The following ADGRB3 variants were observed in gnomAD, a reference collection of about 807,000 sequenced individuals.
The protein encoded by ADGRB3 is adhesion G protein-coupled receptor B3.
Under a neutral mutation model 193.4 loss-of-function variants are expected in ADGRB3, and 37 were observed. The ratio of observed to expected loss-of-function variants is 0.19; its 90% CI spans 0.15 to 0.25. The LOEUF (loss-of-function observed/expected upper bound fraction) is 0.25, where lower values mean the gene tolerates loss of function less well. ADGRB3 is among the 10% of genes least tolerant of loss of function. The pLI is 1.00. For synonymous variants in ADGRB3, 690 were observed against 644.2 expected (o/e 1.07, Z -1.08); for missense variants, 1,637 against 1,852.9 (o/e 0.88, Z 2.14).
intron 3 of ADGRB3, among the ~76,000 whole-genome samples, chr6:68,771,383 TATAC>T (rs777963821): frequency 0.06 from 4,085 of 67,990 alleles, 83 homozygotes; most frequent in African/African-American, 0.12. Context: ...CTAGGGAATA[TATAC>T]ACACACACAC....
At chr6:68,971,468 G>A (rs780574935) in intron 8 of ADGRB3, among the ~76,000 whole-genome samples, 8 of 152,080 alleles carry the variant, frequency 5.3e-5, no homozygotes, top group African/African-American at 1.4e-4. Flanking sequence ...TTCAATAAGT[G>A]TTTAGTTGAA....
chr6:68,845,737 G>A (rs969958702), intron 3 of ADGRB3, among the ~76,000 whole-genome samples: 1 of 152,140 alleles, frequency 6.6e-6, no homozygotes, highest in African/African-American at 2.4e-5. Context: ...CCCCAGCCAT[G>A]TGAAACTGTA....
intron 15 of ADGRB3, among the ~76,000 whole-genome samples, chr6:69,060,575 A>C (rs997786332): frequency 6.6e-6 from 1 of 152,076 alleles, no homozygotes; most frequent in Non-Finnish European, 1.5e-5. Context: ...TTCTAATATA[A>C]TAATTTAATA....
At chr6:69,155,696 A>G (rs1156307366) in intron 17 of ADGRB3, among the ~76,000 whole-genome samples, 2 of 152,238 alleles carry the variant, frequency 1.3e-5, no homozygotes, top group Non-Finnish European at 2.9e-5. Context: ...GATGCTGAGT[A>G]CAGGTTACCT....
At chr6:68,950,105 GA>G (rs1436931119) in intron 6 of ADGRB3, among the ~76,000 whole-genome samples, 6 of 152,054 alleles carry the variant, frequency 3.9e-5, no homozygotes, top group African/African-American at 1.2e-4. Context: ...ACCCAGGCTG[GA>G]GTGCAGTGGC....
chr6:69,140,303 GA>G (rs1368282842), intron 17 of ADGRB3, among the ~76,000 whole-genome samples: 1 of 152,056 alleles, frequency 6.6e-6, no homozygotes, highest in Non-Finnish European at 1.5e-5. Context: ...AACAAACAAA[GA>G]AAAAAATTGC....
At chr6:68,876,612 T>C (rs1765601688) in intron 3 of ADGRB3, among the ~76,000 whole-genome samples, 1 of 152,314 alleles carries the variant, frequency 6.6e-6, no homozygotes, top group African/African-American at 2.4e-5. Flanking sequence ...GACCAAAATA[T>C]TTTGTTTTCC....
chr6:69,212,807 GC>G (rs1166578946), intron 17 of ADGRB3, among the ~76,000 whole-genome samples: 2 of 152,174 alleles, frequency 1.3e-5, no homozygotes, highest in Non-Finnish European at 2.9e-5. Context: ...GTCAGAACCA[GC>G]TTTTTATCTT....
intron 17 of ADGRB3, among the ~76,000 whole-genome samples, chr6:69,090,049 G>A (rs575485646): frequency 4.9e-4 from 75 of 152,186 alleles, no homozygotes; most frequent in African/African-American, 1.7e-3. Context: ...TTGTTTTTTA[G>A]CAAGGTAAAC....
At chr6:69,188,490 G>A (rs1765113653) in intron 17 of ADGRB3, among the ~76,000 whole-genome samples, 2 of 152,096 alleles carry the variant, frequency 1.3e-5, no homozygotes, top group South Asian at 4.1e-4. Context: ...TGTATTTTTA[G>A]TAGAGACAGG....
chr6:69,296,251 A>T (rs915461704), intron 20 of ADGRB3, among the ~76,000 whole-genome samples: 9 of 152,274 alleles, frequency 5.9e-5, no homozygotes, highest in African/African-American at 2.2e-4. Flanking sequence ...TGCAGTATGA[A>T]TTTCAAGGAG....
intron 17 of ADGRB3, among the ~76,000 whole-genome samples, chr6:69,209,689 C>T (rs1765613636): frequency 6.6e-6 from 1 of 152,144 alleles, no homozygotes; most frequent in South Asian, 2.1e-4. Context: ...AGGCAAATTG[C>T]TTCTGGTGGG....
Position 69,018,472 on chromosome 6 carries a change from A to T in ADGRB3, c.2080A>T (p.Asn694Tyr). 6.2e-7 allele frequency: 1 copy of T among 1,606,760 alleles called. No homozygotes were observed. The highest frequency in any genetic ancestry group is 1.7e-5 in the Admixed American group (1 of 59,814). ...TGGAATGGGGATGATGGACTTTCAG[A>T]ATTCATACTTAATGACTGGAAATGT... ...IVGMGMMDFQ[N>Y]SYLMTGNVVA... Residue 694 changes from asparagine to tyrosine, a missense_variant, in exon 13 of 32, where the codon AAT (asparagine) becomes TAT (tyrosine). Around this residue, in one of 7 missense-constraint regions of ADGRB3, gnomAD observed 641 missense variants for 673.9 expected, o/e 0.95. Coordinates refer to ENST00000370598, the MANE Select transcript of ADGRB3 (RefSeq NM_001704.3).
At chr6:69,096,278 C>A (rs1221041753) in intron 17 of ADGRB3, among the ~76,000 whole-genome samples, 1 of 151,446 alleles carries the variant, frequency 6.6e-6, no homozygotes, top group Non-Finnish European at 1.5e-5. Flanking sequence ...GTTTTAAAAC[C>A]AACCCAGGTC....
intron 4 of ADGRB3, 90 bp downstream of exon 4, chr6:68,930,759 G>A (rs1415847259): frequency 2.0e-6 from 2 of 1,011,072 alleles, no homozygotes; most frequent in Non-Finnish European, 2.8e-6. Context: ...ACATTTGTCA[G>A]TTTTTGGAGC....
At chr6:68,660,674 C>A (rs1768606793) in intron 3 of ADGRB3, among the ~76,000 whole-genome samples, 1 of 151,104 alleles carries the variant, frequency 6.6e-6, no homozygotes, top group Admixed American at 6.6e-5. Flanking sequence ...TGATGGACTT[C>A]TTTTAAAATG....
intron 3 of ADGRB3, among the ~76,000 whole-genome samples, chr6:68,814,243 G>A (rs1251399179): frequency 3.9e-5 from 6 of 152,098 alleles, no homozygotes; most frequent in Non-Finnish European, 5.9e-5. Context: ...TTTAATGATT[G>A]CCATTCTAAC....
At chr6:68,890,613 A>G (rs185108828) in intron 3 of ADGRB3, among the ~76,000 whole-genome samples, 86 of 152,372 alleles carry the variant, frequency 5.6e-4, no homozygotes, top group African/African-American at 1.8e-3. Context: ...TGTGTACACT[A>G]TTCTTGATCT....
intron 17 of ADGRB3, among the ~76,000 whole-genome samples, chr6:69,126,545 G>A (rs927564642): frequency 4.6e-5 from 7 of 152,158 alleles, no homozygotes; most frequent in Non-Finnish European, 8.8e-5. Flanking sequence ...GAGAAGACGG[G>A]TGTCCCATCT....
Sources: allele counts gnomAD v4.1 joint callset (sites outside exome capture counted in the v4.1 genomes callset), GRCh38; gene constraint gnomAD v4.1.1; regional missense constraint gnomAD v4.1.1; transcripts MANE v1.5; gene names NCBI Gene and HGNC (gene_info 2026-07-23, HGNC 2026-07-21).